LRRC41: variants seen among roughly 807,000 people sequenced by gnomAD.
LRRC41 encodes the protein leucine rich repeat containing 41, also known as leucine-rich repeat-containing protein 41.
In LRRC41, 17 loss-of-function variants were observed where a neutral mutation model predicts 72.1. The observed-to-expected ratio is 0.24, with a 90% CI of 0.16 to 0.35. The LOEUF (loss-of-function observed/expected upper bound fraction) is 0.35, where lower values mean the gene tolerates loss of function less well. Among genes scored for constraint, LRRC41 ranks in the 10% least tolerant of loss-of-function variants. The probability of loss-of-function intolerance (pLI) is 1.00; values close to 1 mark genes in which losing one functional copy is unlikely to be tolerated. For synonymous variants in LRRC41, 427 were observed against 431.0 expected, an observed-to-expected ratio of 0.99 and a Z score of 0.11; for missense variants, 759 against 1,065.0, an observed-to-expected ratio of 0.71 and a Z score of 4.00.
At chr1:46,288,851 AACTTTGAGTG>A (rs1172656755) in intron 3 of LRRC41, among the ~76,000 whole-genome samples, 4 of 152,252 alleles carry the variant, frequency 2.6e-5, no homozygotes, top group Non-Finnish European at 5.9e-5. Flanking sequence ...ATCTCTGCTC[AACTTTGAGTG>A]AAGGCAAAGA....
intron 3 of LRRC41, among the ~76,000 whole-genome samples, chr1:46,287,933 G>A (rs1177533510): frequency 1.3e-5 from 2 of 152,184 alleles, no homozygotes; most frequent in Admixed American, 1.3e-4. Context: ...AATCTCATCA[G>A]ACTATTCTGC....
At chr1:46,291,955 G>A (rs1661027526) in intron 3 of LRRC41, among the ~76,000 whole-genome samples, 1 of 152,004 alleles carries the variant, frequency 6.6e-6, no homozygotes, top group Non-Finnish European at 1.5e-5. Context: ...GGGCTCAAGT[G>A]ATCCTCCCAC....
In LRRC41 at chr1:46,298,038, G is replaced by A. The variant is rs79543077; in HGVS notation, c.286+246C>T. ...GAGAAACTAAGATTCACAAGATATG[G>A]GTTGTTGTTCTGGCTTTGCTATTAA... On this transcript the variant is annotated intron_variant, in intron 2 of 9. Transcript: ENST00000617190. Among the ~76,000 whole-genome samples, 84 of 152,226 alleles carry A rather than the reference G, an allele frequency of 5.5e-4. 1 individual carries two copies. In the East Asian group the frequency reaches 0.014, roughly 25 times the overall value.
Position 46,303,250 on chromosome 1 carries a change from C to T in LRRC41, c.73G>A (p.Ala25Thr), listed in dbSNP as rs1381211233. 1.3e-6 allele frequency: 2 copies of T among 1,549,912 alleles called. No homozygotes were observed. Among genetic ancestry groups the T allele is most frequent in the Non-Finnish European group, 1.7e-6 (2 of 1,149,092 alleles). ...GCTGGCGCCGCCTCCCGGGACGTGG[C>T]CTCCATGGTCGTTGCCGCCGCTACC... The part of the protein sequence containing the change: ...CEVAAATTME[A>T]TSREAAPAKS... The change falls in exon 1 of 10, where the codon GCC becomes ACC. Residue 25 changes from alanine to threonine, a missense_variant. This residue lies in a region of LRRC41 where 106 missense variants were observed against 66.1 expected (regional missense o/e 1.60). Coordinates refer to ENST00000617190, the MANE Select transcript of LRRC41 (RefSeq NM_006369.5).
At position 46,302,264 on chromosome 1, in the gene LRRC41, G is replaced by A; in HGVS notation, c.199+860C>T. On this transcript the variant is annotated intron_variant, in intron 1 of 9. Coordinates refer to ENST00000617190, the MANE Select transcript of LRRC41 (RefSeq NM_006369.5). This position sits in a 1 kb window ranked among gnomAD's most constrained non-coding sequence, Gnocchi z 4.7. ...CAGCCCGGCAGTCCGGGATCCCCGG[G>A]CCGTCGCCCCGCTTGGGGCCTCCTT... The A allele has an allele frequency of 2.0e-6, 2 of 985,374 alleles. No individual in the cohort carries two copies. Among genetic ancestry groups the A allele is most frequent in the Non-Finnish European group, 2.4e-6 (2 of 829,908 alleles). 61.0% of individuals were successfully genotyped at this position (985,374 alleles called of 1,614,324 possible). A position where few individuals can be genotyped will look rare whatever the true frequency, so the allele number is the denominator to read the frequency against.
chr1:46,288,804 G>A (rs1342468163), intron 3 of LRRC41, among the ~76,000 whole-genome samples: 1 of 152,208 alleles, frequency 6.6e-6, no homozygotes, highest in African/African-American at 2.4e-5. Flanking sequence ...TCAGCAGCAG[G>A]ACATTAAGAG....
chr1:46,288,703 T>C (rs1660936246), intron 3 of LRRC41, among the ~76,000 whole-genome samples: 1 of 152,242 alleles, frequency 6.6e-6, no homozygotes, highest in African/African-American at 2.4e-5. Flanking sequence ...GCCTTAGCTA[T>C]TTCCCCAGAC....
Position 46,278,115 on chromosome 1 carries a change from C to A in LRRC41, c.*750G>T. 2 of 1,614,016 alleles carry A rather than the reference C, an allele frequency of 1.2e-6. No individual in the cohort carries two copies. Among genetic ancestry groups the A allele is most frequent in the Non-Finnish European group, 1.7e-6 (2 of 1,179,952 alleles). The stretch of plus-strand genomic sequence containing the variant: ...TGTCAACAGCCGTCAGATCCGGCCA[C>A]CCCCTGATGGTTCTGACTGCACTTC... On this transcript the variant is annotated 3_prime_UTR_variant, in exon 10 of 10. Transcript: ENST00000617190.
At chr1:46,295,675 C>T (rs1176742787) in intron 3 of LRRC41, among the ~76,000 whole-genome samples, 1 of 152,156 alleles carries the variant, frequency 6.6e-6, no homozygotes, top group African/African-American at 2.4e-5. Flanking sequence ...AAGCTTTCTC[C>T]AAGAGAAAAA....
intron 4 of LRRC41, chr1:46,284,250 T>A (rs1168978614): frequency 6.6e-6 from 1 of 152,226 alleles, no homozygotes; most frequent in Non-Finnish European, 1.5e-5. Flanking sequence ...CCTGTTAAAA[T>A]GCTGATAGGA....
At chr1:46,301,937 T>TC (rs1426843964) in intron 1 of LRRC41, 3 of 983,972 alleles carry the variant, frequency 3.0e-6, no homozygotes, top group African/African-American at 1.8e-5. Flanking sequence ...GCCCGAGGCC[T>TC]CCCCTGTCCC....
At chr1:46,281,034 G>T in intron 5 of LRRC41, 91 bp downstream of exon 5, 1 of 1,529,414 alleles carries the variant, frequency 6.5e-7, no homozygotes, top group Non-Finnish European at 8.9e-7. Flanking sequence ...GATAGAAGAG[G>T]TCCTTCCCCT....
At chr1:46,294,828 C>T (rs996077500) in intron 3 of LRRC41, among the ~76,000 whole-genome samples, 3 of 151,876 alleles carry the variant, frequency 2.0e-5, no homozygotes, top group Non-Finnish European at 2.9e-5. Context: ...CTCCTGATTT[C>T]GTGATCCACC....
chr1:46,281,390 G>C lies in LRRC41; in HGVS notation c.1496-5C>G, dbSNP rs772245155. The C allele has an allele frequency of 6.2e-7, 1 of 1,613,882 alleles. No individual in the cohort carries two copies. Among genetic ancestry groups the C allele is most frequent in the Admixed American group, 1.7e-5 (1 of 60,016 alleles). ...GGAAGATGTTAGAGCCCAGGCCTAT[G>C]GCAAGAAAGAGATTAAGTCAGAACC... On this transcript the variant is annotated splice_region_variant and splice_polypyrimidine_tract_variant and intron_variant, in intron 4 of 9. Transcript: ENST00000617190.
rs777409432 is a variant in LRRC41, at chr1:46,283,963, C to T, written c.1495+1399G>A. ...ACGGGCGTGAGCCACTGCGCCCGGC[C>T]AAGAAAACATTTTTTAAGGTAGTGA... On this transcript the variant is annotated intron_variant, in intron 4 of 9. Transcript: ENST00000617190. Among the ~76,000 whole-genome samples the T allele has an allele frequency of 8.0e-4, 121 of 152,016 alleles. 1 individual carries two copies. The highest frequency in any genetic ancestry group is 1.6e-3 in the Admixed American group (25 of 15,258).
At position 46,285,065 on chromosome 1, in the gene LRRC41, G is replaced by A; in HGVS notation, c.1495+297C>T. ...TGCCTGAGCATGCATATACTATACT[G>A]CTCCCACCTGCCCTTGGACTGCCTT... On this transcript the variant is annotated intron_variant, in intron 4 of 9. Transcript: ENST00000617190. This position sits in a 1 kb window ranked among gnomAD's most constrained non-coding sequence, Gnocchi z 5.3. 2.3e-6 allele frequency: 1 copy of A among 441,306 alleles called. No homozygotes were observed. Among genetic ancestry groups the A allele is most frequent in the Non-Finnish European group, 4.2e-6 (1 of 236,350 alleles). 27.3% of individuals were successfully genotyped at this position (441,306 alleles called of 1,614,324 possible).
chr1:46,301,562 C>T (rs978431734), intron 1 of LRRC41, among the ~76,000 whole-genome samples: 1 of 152,066 alleles, frequency 6.6e-6, no homozygotes, highest in East Asian at 1.9e-4. Context: ...CCTCATGGTA[C>T]TGGGCTCCAC....
chr1:46,290,253 G>GA (rs1370518309), intron 3 of LRRC41, among the ~76,000 whole-genome samples: 2 of 152,088 alleles, frequency 1.3e-5, no homozygotes, highest in Admixed American at 6.6e-5. Context: ...ACTAAAAATA[G>GA]AAAAAATGTA....
chr1:46,280,125 C>A, intron 7 of LRRC41, 67 bp downstream of exon 7: 1 of 1,207,946 alleles, frequency 8.3e-7, no homozygotes, highest in South Asian at 1.2e-5. Flanking sequence ...GTGGTTTGCT[C>A]ACTCAGATTA....
Sources: allele counts gnomAD v4.1 joint callset (sites outside exome capture counted in the v4.1 genomes callset), GRCh38; gene constraint gnomAD v4.1.1; regional missense constraint gnomAD v4.1.1; non-coding constraint Gnocchi (gnomAD v3.1); transcripts MANE v1.5; gene names NCBI Gene and HGNC (gene_info 2026-07-23, HGNC 2026-07-21).